Variants in RASSF5 observed in about 807,000 individuals in gnomAD.
RASSF5 encodes Ras association domain family member 5.
A neutral mutation model predicts 40.5 loss-of-function variants in RASSF5; 25 were observed. The ratio of observed to expected loss-of-function variants is 0.62; its 90% CI spans 0.45 to 0.86. The LOEUF (loss-of-function observed/expected upper bound fraction) is 0.86, where lower values mean the gene tolerates loss of function less well. RASSF5 is among the 40% of genes least tolerant of loss of function. The pLI is 0.00. For missense variants in RASSF5, 521 were observed against 572.8 expected (o/e 0.91, Z 0.92); for synonymous variants, 246 against 252.4 (o/e 0.97, Z 0.24).
At chr1:206,570,078 CTTTTT>C (rs375900760) in intron 2 of RASSF5, among the ~76,000 whole-genome samples, 1 of 119,378 alleles carries the variant, frequency 8.4e-6, no homozygotes, top group Non-Finnish European at 1.7e-5. Flanking sequence ...TAAAATTTAC[CTTTTT>C]TTTTTTTTTT....
chr1:206,563,147 G>T (rs1050443495), intron 2 of RASSF5, among the ~76,000 whole-genome samples: 1 of 152,156 alleles, frequency 6.6e-6, no homozygotes, highest in Non-Finnish European at 1.5e-5. Flanking sequence ...GAAATGGTGG[G>T]TGTTTCTTGC....
At chr1:206,518,209 G>A (rs887829394) in intron 1 of RASSF5, among the ~76,000 whole-genome samples, 3 of 152,062 alleles carry the variant, frequency 2.0e-5, no homozygotes, top group Non-Finnish European at 4.4e-5. Flanking sequence ...AGGTGGAGGG[G>A]AAAGGACCTC....
Position 206,584,845 on chromosome 1 carries a change from G to T in RASSF5, c.988+161G>T. 1.3e-6 allele frequency: 1 copy of T among 741,908 alleles called. No individual in the cohort carries two copies. The highest frequency in any genetic ancestry group is 1.8e-5 in the South Asian group (1 of 54,958). The allele number at this position is 741,908 out of a possible 1,614,324, so 46.0% of individuals were successfully genotyped here. A position where few individuals can be genotyped will look rare whatever the true frequency, so the allele number is the denominator to read the frequency against. ...GTTCAGATCTGTGGAATCCGGGCAG[G>T]GAGGCAAGAGCAGAGTCCCTGACTC... is the stretch of plus-strand genomic sequence containing the variant. On this transcript the variant is annotated intron_variant, in intron 4 of 5. Transcript: ENST00000579436. The surrounding 1 kb of genome is among the most constrained non-coding windows in gnomAD (Gnocchi z 4.9).
chr1:206,507,701 A>G lies in RASSF5; in HGVS notation c.99A>G (p.Leu33=). The part of the protein sequence containing the change: ...RYLQSLSGPE[L]PPPPPDRSSR... ...TACAGAGCCTGAGCGGCCCCGAGCTACCGCCGCCGCCCCCCGACCGGTCCT... is the reference window on the plus strand; with the variant it reads ...TACAGAGCCTGAGCGGCCCCGAGCTGCCGCCGCCGCCCCCCGACCGGTCCT... The change falls in exon 1 of 6, where the codon CTA becomes CTG. Residue 33 remains leucine (L), a synonymous_variant. Transcript: ENST00000579436. 1 of 1,490,758 alleles carries G rather than the reference A, an allele frequency of 6.7e-7. No homozygotes were observed. The highest frequency in any genetic ancestry group is 1.5e-5 in the African/African-American group (1 of 68,430). 92.3% of individuals were successfully genotyped at this position (1,490,758 alleles called of 1,614,324 possible). A position where few individuals can be genotyped will look rare whatever the true frequency, so the allele number is the denominator to read the frequency against.
chr1:206,586,472 ACTC>A (rs1669114752), intron 5 of RASSF5: 1 of 219,632 alleles, frequency 4.6e-6, no homozygotes, highest in African/African-American at 2.4e-5. Flanking sequence ...TCCACGTTCC[ACTC>A]CTCCACCTGC....
chr1:206,569,623 A>T (rs554039941), intron 2 of RASSF5, among the ~76,000 whole-genome samples: 2 of 152,188 alleles, frequency 1.3e-5, no homozygotes, highest in Non-Finnish European at 2.9e-5. Context: ...TCAAAGTAAT[A>T]TATTTTATCT....
intron 3 of RASSF5, 23 bp downstream of exon 3, chr1:206,583,402 C>G: frequency 1.3e-6 from 2 of 1,512,256 alleles, no homozygotes; most frequent in Non-Finnish European, 1.8e-6. Flanking sequence ...CCACCCTCAA[C>G]CTGGCCCCTG....
intron 1 of RASSF5, among the ~76,000 whole-genome samples, chr1:206,512,912 T>G (rs1666654899): frequency 6.6e-6 from 1 of 152,222 alleles, no homozygotes; most frequent in South Asian, 2.1e-4. Context: ...TCAAAATAGT[T>G]TCATGAGGTC....
intron 1 of RASSF5, among the ~76,000 whole-genome samples, chr1:206,511,755 C>T (rs1553394689): frequency 6.6e-6 from 1 of 152,182 alleles, no homozygotes; most frequent in Non-Finnish European, 1.5e-5. Context: ...GCTGATATCT[C>T]CCTGGGCCTC....
intron 2 of RASSF5, among the ~76,000 whole-genome samples, chr1:206,565,237 C>T (rs950196301): frequency 1.3e-5 from 2 of 152,226 alleles, no homozygotes; most frequent in Non-Finnish European, 2.9e-5. Flanking sequence ...CTGTCCCCGC[C>T]TCACCCTGTG....
In RASSF5 at chr1:206,581,326, G is replaced by A. The variant is rs1553406267; in HGVS notation, c.580-1943G>A. Among the ~76,000 whole-genome samples, 9 of 152,132 alleles carry A rather than the reference G, an allele frequency of 5.9e-5. 1 individual carries two copies. Among genetic ancestry groups the A allele is most frequent in the South Asian group, 2.1e-4 (1 of 4,828 alleles). The stretch of plus-strand genomic sequence containing the variant: ...AAAGAGGATGTCAGAAGCTGGGTGC[G>A]GTGGCTCACACCTGTAATGCCAGCA... On this transcript the variant is annotated intron_variant, in intron 2 of 5. Transcript: ENST00000579436.
chr1:206,561,438 C>T (rs1227692008), intron 2 of RASSF5, among the ~76,000 whole-genome samples: 2 of 152,114 alleles, frequency 1.3e-5, no homozygotes, highest in Non-Finnish European at 2.9e-5. Flanking sequence ...TTAAGGCATG[C>T]TAGCTAAGGG....
At chr1:206,573,827 G>A (rs566802858) in intron 2 of RASSF5, among the ~76,000 whole-genome samples, 1 of 152,350 alleles carries the variant, frequency 6.6e-6, no homozygotes, top group South Asian at 2.1e-4. Context: ...GGGCAATATA[G>A]TGAGAGCCCC....
rs115989032 is a variant in RASSF5, at chr1:206,534,855, G to T, written c.458-3317G>T. ...GCTGCCAGAGGCGATGGCACTAGCT[G>T]CCCAGGGAGGGCTGAACCCTTCCTT... is the stretch of plus-strand genomic sequence containing the variant. On this transcript the variant is annotated intron_variant, in intron 1 of 5. Coordinates refer to ENST00000579436, the MANE Select transcript of RASSF5 (RefSeq NM_182663.4). Among the ~76,000 whole-genome samples the T allele has an allele frequency of 3.5e-3, 527 of 152,270 alleles. 3 individuals carry two copies. Among genetic ancestry groups the T allele is most frequent in the African/African-American group, 0.012 (514 of 41,562 alleles).
chr1:206,557,953 T>G (rs1668037104), intron 2 of RASSF5, among the ~76,000 whole-genome samples: 1 of 152,234 alleles, frequency 6.6e-6, no homozygotes, highest in Admixed American at 6.5e-5. Context: ...TGCCCCTGGC[T>G]GGTAGATTGG....
rs1208823670 is a variant in RASSF5, at chr1:206,564,117, C to T, written c.580-19152C>T. ...ACAAACACCCTTGTCATGTGAGTGTCCTTATCTTCCCTGCTGAGAGTCCCT... is the reference window on the plus strand; with the variant it reads ...ACAAACACCCTTGTCATGTGAGTGTTCTTATCTTCCCTGCTGAGAGTCCCT... On this transcript the variant is annotated intron_variant, in intron 2 of 5. Transcript: ENST00000579436. Among the ~76,000 whole-genome samples the T allele has an allele frequency of 2.0e-5, 3 of 152,208 alleles. No individual in the cohort carries two copies. In the East Asian group the frequency reaches 5.8e-4, roughly 29 times the overall value.
intron 2 of RASSF5, among the ~76,000 whole-genome samples, chr1:206,577,952 G>A (rs1384229388): frequency 1.3e-5 from 2 of 152,160 alleles, no homozygotes; most frequent in Non-Finnish European, 2.9e-5. Context: ...GCCAGGCGCG[G>A]TGGGTCACAC....
At chr1:206,558,379 T>C (rs1553402092) in intron 2 of RASSF5, among the ~76,000 whole-genome samples, 1 of 151,448 alleles carries the variant, frequency 6.6e-6, no homozygotes, top group Non-Finnish European at 1.5e-5. Context: ...CTCTCCTAGT[T>C]GGCTGCAGGC....
intron 2 of RASSF5, among the ~76,000 whole-genome samples, chr1:206,568,972 A>G (rs1553403795): frequency 6.6e-6 from 1 of 152,208 alleles, no homozygotes; most frequent in Non-Finnish European, 1.5e-5. Context: ...CTAGACGCAT[A>G]TGAGGCTGGA....
Sources: allele counts gnomAD v4.1 joint callset (sites outside exome capture counted in the v4.1 genomes callset), GRCh38; gene constraint gnomAD v4.1.1; non-coding constraint Gnocchi (gnomAD v3.1); transcripts MANE v1.5; gene names NCBI Gene and HGNC (gene_info 2026-07-23, HGNC 2026-07-21).